ABCA13: variants seen among roughly 807,000 people sequenced by gnomAD.
ABCA13 encodes ATP-binding cassette sub-family A member 13.
In ABCA13, 476 loss-of-function variants were observed where a neutral mutation model predicts 478.7. The observed-to-expected ratio is 0.99, with a 90% CI of 0.92 to 1.07. The LOEUF is 1.07. Among genes scored for constraint, ABCA13 ranks in the 50% least tolerant of loss-of-function variants. The probability of loss-of-function intolerance (pLI) is 0.00; values close to 1 mark genes in which losing one functional copy is unlikely to be tolerated. For missense variants in ABCA13, 6,060 were observed against 5,910.6 expected, an observed-to-expected ratio of 1.03 and a Z score of -0.83; for synonymous variants, 2,252 against 2,158.9, an observed-to-expected ratio of 1.04 and a Z score of -1.20.
At chr7:48,584,954 C>G (rs1789035308) in intron 56 of ABCA13, among the ~76,000 whole-genome samples, 1 of 152,124 alleles carries the variant, frequency 6.6e-6, no homozygotes, top group Non-Finnish European at 1.5e-5. Flanking sequence ...GTTTTCTTCT[C>G]TTTTATGGGG....
chr7:48,607,440 T>C (rs1791587826), intron 58 of ABCA13, among the ~76,000 whole-genome samples: 1 of 152,220 alleles, frequency 6.6e-6, no homozygotes, highest in African/African-American at 2.4e-5. Flanking sequence ...ATCACCCACC[T>C]TCTGCGTCGA....
At chr7:48,293,203 GCC>G (rs1798825503) in intron 20 of ABCA13, among the ~76,000 whole-genome samples, 3 of 114,932 alleles carry the variant, frequency 2.6e-5, no homozygotes, top group Non-Finnish European at 3.6e-5. Context: ...CCCCCCCCCC[GCC>G]ACACACACAC....
chr7:48,372,030 A>G lies in ABCA13; in HGVS notation c.10804-138A>G, dbSNP rs1163335231. 4 of 767,378 alleles carry G rather than the reference A, an allele frequency of 5.2e-6. No individual in the cohort carries two copies. The East Asian group carries it at 8.1e-5, about 16-fold the overall frequency. 47.5% of individuals were successfully genotyped at this position (767,378 alleles called of 1,614,324 possible). A position where few individuals can be genotyped will look rare whatever the true frequency, so the allele number is the denominator to read the frequency against. On this transcript the variant is annotated intron_variant, in intron 32 of 61. Coordinates refer to ENST00000435803, the MANE Select transcript of ABCA13 (RefSeq NM_152701.5). Reference sequence around the variant, plus strand: ...AGCTTGAGGAGGCAATGTCCTTCCCAGGGCCCTTCACAGGGCTGAATTTGC... The same window carrying G: ...AGCTTGAGGAGGCAATGTCCTTCCCGGGGCCCTTCACAGGGCTGAATTTGC...
At chr7:48,442,875 T>C (rs1823814187) in intron 42 of ABCA13, among the ~76,000 whole-genome samples, 1 of 152,170 alleles carries the variant, frequency 6.6e-6, no homozygotes, top group Non-Finnish European at 1.5e-5. Flanking sequence ...ATTCTCTCTT[T>C]TATTGGCCTT....
chr7:48,224,223 G>C lies in ABCA13; in HGVS notation c.468+2914G>C, dbSNP rs191574738. Among the ~76,000 whole-genome samples, 216 of 152,278 alleles carry C rather than the reference G, an allele frequency of 1.4e-3. 1 individual carries two copies. The highest frequency in any genetic ancestry group is 3.4e-3 in the Middle Eastern group (1 of 294). ...ACATGCTGAGAGTATTTTGCTTTCT[G>C]TTCTTCCCCGAAGTCAGTTCAGCTT... On this transcript the variant is annotated intron_variant, in intron 5 of 61. Transcript: ENST00000435803.
At chr7:48,610,317 A>G (rs1399004836) in intron 58 of ABCA13, among the ~76,000 whole-genome samples, 1 of 152,218 alleles carries the variant, frequency 6.6e-6, no homozygotes, top group Non-Finnish European at 1.5e-5. Context: ...CTTTGATTCC[A>G]TGTCCCACAT....
chr7:48,202,896 C>T (rs1256309427), intron 3 of ABCA13, among the ~76,000 whole-genome samples: 1 of 144,936 alleles, frequency 6.9e-6, no homozygotes, highest in Non-Finnish European at 1.6e-5. Context: ...CCTGCCAGTC[C>T]CGGTGCCGTG....
At position 48,281,351 on chromosome 7, in the gene ABCA13, A is replaced by G; in HGVS notation, c.8735A>G (p.Glu2912Gly). 1 of 1,602,030 alleles carries G rather than the reference A, an allele frequency of 6.2e-7. No homozygotes were observed. Among genetic ancestry groups the G allele is most frequent in the Non-Finnish European group, 8.5e-7 (1 of 1,174,168 alleles). The change falls in exon 19 of 62, where the codon GAG (glutamate) becomes GGG (glycine). Residue 2912 changes from glutamate (E) to glycine (G), a missense_variant. This residue lies in a region of ABCA13 where 4,423 missense variants were observed against 4,309.1 expected (regional missense o/e 1.03). Coordinates refer to ENST00000435803, the MANE Select transcript of ABCA13 (RefSeq NM_152701.5). ...TATATTTTTTTGCTAAGTGTTGTTG[A>G]GATTTGTGAAGTTTTCCAGCAGACT... is the stretch of plus-strand genomic sequence containing the variant. ...QIPLTDQSVVEICEVFQQTVK... is the reference protein window; with the variant it reads ...QIPLTDQSVVGICEVFQQTVK...
chr7:48,198,272 G>A lies in ABCA13; in HGVS notation c.199G>A (p.Val67Ile). 6.2e-7 allele frequency: 1 copy of A among 1,613,634 alleles called. No individual in the cohort carries two copies. The highest frequency in any genetic ancestry group is 8.5e-7 in the Non-Finnish European group (1 of 1,179,794). Residue 67 changes from valine (V) to isoleucine (I), a missense_variant, in exon 3 of 62, where the codon GTT (valine) becomes ATT (isoleucine). Transcript: ENST00000435803. ...LQPRDLPSCG[V>I]IPFVQSLLCN... is the part of the protein sequence containing the mutation. ...GCCCCGAGATCTACCCAGCTGTGGT[G>A]TTATCCCCTTTGTTCAAAGCCTTCT... is the stretch of plus-strand genomic sequence containing the variant.
intron 48 of ABCA13, among the ~76,000 whole-genome samples, chr7:48,505,544 A>C (rs1428333526): frequency 6.6e-6 from 1 of 152,222 alleles, no homozygotes; most frequent in Admixed American, 6.5e-5. Flanking sequence ...AAATGGAGCA[A>C]GGATTTGTGC....
intron 19 of ABCA13, 66 bp from the exon 20 acceptor site, chr7:48,287,894 T>G: frequency 8.3e-7 from 1 of 1,209,318 alleles, no homozygotes; most frequent in Non-Finnish European, 1.2e-6. Context: ...AAAGTGATTT[T>G]GTGAGAGTGG....
chr7:48,443,257 T>A (rs1823866354), intron 42 of ABCA13, among the ~76,000 whole-genome samples: 1 of 152,178 alleles, frequency 6.6e-6, no homozygotes, highest in South Asian at 2.1e-4. Flanking sequence ...AGCTGACTAA[T>A]ACAACTGGGG....
chr7:48,328,988 A>T (rs1358657835), intron 27 of ABCA13, among the ~76,000 whole-genome samples: 1 of 152,138 alleles, frequency 6.6e-6, no homozygotes, highest in African/African-American at 2.4e-5. Flanking sequence ...CAATACTACA[A>T]AGACAGCTAT....
Position 48,314,393 on chromosome 7 carries a change from C to T in ABCA13, c.9843C>T (p.Asn3281=). The change falls in exon 26 of 62, where the codon AAC becomes AAT. Residue 3281 remains asparagine (N), a synonymous_variant. Transcript: ENST00000435803. The part of the protein sequence containing the change: ...ELLEDDKEKF[N]IPEDSTPFCL... ...TGGAAGATGACAAAGAAAAATTCAACATTCCTGAAGATTCAAGTAAGACAG... is the reference window on the plus strand; with the variant it reads ...TGGAAGATGACAAAGAAAAATTCAATATTCCTGAAGATTCAAGTAAGACAG... 1.3e-6 allele frequency: 2 copies of T among 1,593,738 alleles called. No individual in the cohort carries two copies. The highest frequency in any genetic ancestry group is 1.7e-6 in the Non-Finnish European group (2 of 1,169,120).
intron 35 of ABCA13, among the ~76,000 whole-genome samples, chr7:48,380,806 T>C (rs1317198683): frequency 6.6e-6 from 1 of 152,132 alleles, no homozygotes; most frequent in Non-Finnish European, 1.5e-5. Flanking sequence ...CTAGCCATAG[T>C]AAAGGACTCA....
At chr7:48,291,838 G>A (rs74825936) in intron 20 of ABCA13, among the ~76,000 whole-genome samples, 2,131 of 152,120 alleles carry the variant, frequency 0.014, 24 homozygotes, top group Non-Finnish European at 0.022. Context: ...CCTCACCTCC[G>A]GCTTCTGAGC....
chr7:48,601,702 T>C (rs1790911457), intron 58 of ABCA13, among the ~76,000 whole-genome samples: 1 of 152,222 alleles, frequency 6.6e-6, no homozygotes, highest in African/African-American at 2.4e-5. Context: ...TGTGTCATCA[T>C]AGTAGAATAA....
At chr7:48,485,552 A>G (rs762033320) in intron 47 of ABCA13, among the ~76,000 whole-genome samples, 1 of 152,208 alleles carries the variant, frequency 6.6e-6, no homozygotes, top group Non-Finnish European at 1.5e-5. Flanking sequence ...TATTACTTAA[A>G]GAATCTATAA....
chr7:48,389,606 A>G (rs1815736595), intron 37 of ABCA13, among the ~76,000 whole-genome samples: 2 of 152,226 alleles, frequency 1.3e-5, no homozygotes, highest in South Asian at 4.1e-4. Context: ...GGAATATCAC[A>G]GTGGTACTTG....
Sources: gnomAD v4.1 joint callset for allele counts (sites outside exome capture counted in the v4.1 genomes callset) on GRCh38, gnomAD v4.1.1 for gene constraint, gnomAD v4.1.1 regional missense constraint, MANE v1.5 for transcripts, NCBI Gene and HGNC (gene_info 2026-07-23, HGNC 2026-07-21) for gene names.